The following FAM20A variants were observed in gnomAD, a reference collection of about 807,000 sequenced individuals.
FAM20A encodes the protein FAM20A golgi associated secretory pathway pseudokinase.
In FAM20A, 42 loss-of-function variants were observed where a neutral mutation model predicts 52.0. The ratio of observed to expected loss-of-function variants is 0.81; its 90% CI spans 0.63 to 1.04. The LOEUF is 1.04. FAM20A is among the 50% of genes least tolerant of loss of function. The pLI, the probability that FAM20A is intolerant of heterozygous loss-of-function variation, is 0.00. For synonymous variants in FAM20A, 304 were observed against 298.9 expected, an observed-to-expected ratio of 1.02 and a Z score of -0.18; for missense variants, 742 against 712.7, an observed-to-expected ratio of 1.04 and a Z score of -0.47.
At chr17:68,540,392 C>T (rs1306698680) in intron 8 of FAM20A, among the ~76,000 whole-genome samples, 3 of 152,222 alleles carry the variant, frequency 2.0e-5, no homozygotes, top group East Asian at 1.9e-4. Context: ...GACTTGCTTC[C>T]GACCTAAGCT....
Position 68,599,798 on chromosome 17 carries a change from G to C in FAM20A, c.404+465C>G, listed in dbSNP as rs771439242. On this transcript the variant is annotated intron_variant, in intron 1 of 10. Coordinates refer to ENST00000592554, the MANE Select transcript of FAM20A (RefSeq NM_017565.4). ...AACATGCTTTCTGGAAGGCGCCCAG[G>C]TTTACCCAAAGAGCACAGTTAAGTG... Among the ~76,000 whole-genome samples the C allele has an allele frequency of 1.1e-4, 16 of 152,152 alleles. 1 individual carries two copies. The highest frequency in any genetic ancestry group is 4.6e-4 in the Admixed American group (7 of 15,286).
At chr17:68,573,164 G>C (rs916575170) in intron 1 of FAM20A, among the ~76,000 whole-genome samples, 20 of 152,174 alleles carry the variant, frequency 1.3e-4, no homozygotes, top group African/African-American at 4.6e-4. Context: ...TCTAGAAAGG[G>C]GAAAGGGTGG....
At chr17:68,563,401 A>T (rs1221021725) in intron 1 of FAM20A, among the ~76,000 whole-genome samples, 1 of 151,638 alleles carries the variant, frequency 6.6e-6, no homozygotes, top group African/African-American at 2.4e-5. Flanking sequence ...AAAAAAAAAA[A>T]AAAAGAAAGA....
intron 1 of FAM20A, among the ~76,000 whole-genome samples, chr17:68,594,369 A>T (rs1042631135): frequency 1.3e-5 from 2 of 151,604 alleles, no homozygotes; most frequent in African/African-American, 4.9e-5. Flanking sequence ...ACTGCACTCC[A>T]GCCTGGGCGA....
At position 68,543,686 on chromosome 17, in the gene FAM20A, A is replaced by G; in HGVS notation, c.755T>C (p.Phe252Ser). Reference sequence around the variant, plus strand: ...GTGTCTCTGAAAGTCAATGAAGTAGAAGAAGTCCACTGGTGTCTCCTCATC... The same window carrying G: ...GTGTCTCTGAAAGTCAATGAAGTAGGAGAAGTCCACTGGTGTCTCCTCATC... ...QRDEETPVDF[F>S]YFIDFQRHNA... The change falls in exon 5 of 11, where the codon TTC (phenylalanine) becomes TCC (serine). Residue 252 changes from phenylalanine (F) to serine (S), a missense_variant. Transcript: ENST00000592554. 6.2e-7 allele frequency: 1 copy of G among 1,614,034 alleles called. No homozygotes were observed. Among genetic ancestry groups the G allele is most frequent in the Non-Finnish European group, 8.5e-7 (1 of 1,179,926 alleles).
chr17:68,583,925 A>G (rs970363490), intron 1 of FAM20A, among the ~76,000 whole-genome samples: 3 of 151,920 alleles, frequency 2.0e-5, no homozygotes, highest in Non-Finnish European at 4.4e-5. Flanking sequence ...GGATTAGAAC[A>G]TGAATATCAT....
chr17:68,599,040 G>A (rs773469137), intron 1 of FAM20A, among the ~76,000 whole-genome samples: 1 of 152,164 alleles, frequency 6.6e-6, no homozygotes, highest in Admixed American at 6.5e-5. Flanking sequence ...AATGTGAGCC[G>A]TAGAGTTACT....
At chr17:68,540,504 G>T (rs1173503826) in intron 8 of FAM20A, 1 of 477,984 alleles carries the variant, frequency 2.1e-6, no homozygotes, top group East Asian at 6.4e-5. Flanking sequence ...CCTCGCCTGA[G>T]GCCCTCCCTG....
chr17:68,542,103 C>T lies in FAM20A; in HGVS notation c.991G>A (p.Gly331Ser), dbSNP rs1251027524. 7.4e-6 allele frequency: 12 copies of T among 1,614,084 alleles called. No homozygotes were observed. Among genetic ancestry groups the T allele is most frequent in the Non-Finnish European group, 1.0e-5 (12 of 1,180,020 alleles). ...YMCKTEYAVC[G>S]NPHLLEGSLS... ...GAACCCTCCAGCAGGTGTGGGTTGC[C>T]ACAGACAGCATACTCCGTCTTGCAC... Residue 331 changes from glycine to serine, a missense_variant, in exon 7 of 11, where the codon GGC becomes AGC. By Grantham distance (56) the Gly-to-Ser change is moderately conservative. Transcript: ENST00000592554.
intron 1 of FAM20A, among the ~76,000 whole-genome samples, chr17:68,563,984 C>T (rs555512474): frequency 1.3e-5 from 2 of 152,240 alleles, no homozygotes; most frequent in African/African-American, 4.8e-5. Context: ...GTGAGAGGGT[C>T]ACAGAATGCA....
At chr17:68,538,701 G>A (rs2086168147) in intron 10 of FAM20A, among the ~76,000 whole-genome samples, 1 of 152,236 alleles carries the variant, frequency 6.6e-6, no homozygotes, top group Non-Finnish European at 1.5e-5. Flanking sequence ...GCTGGGCAAA[G>A]CAGAGGTCTG....
chr17:68,541,058 G>C, intron 7 of FAM20A, 100 bp from the exon 8 acceptor site: 1 of 1,528,378 alleles, frequency 6.5e-7, no homozygotes, highest in Non-Finnish European at 8.8e-7. Flanking sequence ...CTGCCTCCCT[G>C]ATCCTGCCCT....
At chr17:68,571,944 A>G (rs913552065) in intron 1 of FAM20A, among the ~76,000 whole-genome samples, 1 of 144,180 alleles carries the variant, frequency 6.9e-6, no homozygotes, top group African/African-American at 2.5e-5. Flanking sequence ...GTAGAAATAT[A>G]TATATGTGTG....
intron 1 of FAM20A, among the ~76,000 whole-genome samples, chr17:68,587,237 AC>A (rs2088186684): frequency 6.6e-6 from 1 of 151,918 alleles, no homozygotes; most frequent in Non-Finnish European, 1.5e-5. Context: ...TCGGGCATTC[AC>A]CCTTGGCTGT....
chr17:68,588,904 C>T (rs2088229837), intron 1 of FAM20A, among the ~76,000 whole-genome samples: 1 of 152,220 alleles, frequency 6.6e-6, no homozygotes, highest in South Asian at 2.1e-4. Flanking sequence ...GGTCTTACCA[C>T]TATCAGCTGT....
chr17:68,597,310 C>T (rs867391090), intron 1 of FAM20A, among the ~76,000 whole-genome samples: 4 of 148,836 alleles, frequency 2.7e-5, no homozygotes, highest in African/African-American at 1.0e-4. Flanking sequence ...CTCTGTACTT[C>T]TCCTGGTGTG....
At chr17:68,583,590 A>G (rs1418459659) in intron 1 of FAM20A, among the ~76,000 whole-genome samples, 4 of 152,144 alleles carry the variant, frequency 2.6e-5, no homozygotes, top group African/African-American at 7.2e-5. Flanking sequence ...AGTCTTAATT[A>G]TATCTGTAAA....
intron 1 of FAM20A, among the ~76,000 whole-genome samples, chr17:68,565,214 G>A (rs2087342379): frequency 6.6e-6 from 1 of 152,012 alleles, no homozygotes; most frequent in Non-Finnish European, 1.5e-5. Context: ...TTACAGTGGA[G>A]AAGTGGGGCA....
intron 2 of FAM20A, 25 bp downstream of exon 2, chr17:68,555,534 C>A (rs775745660): frequency 7.4e-6 from 12 of 1,611,780 alleles, no homozygotes; most frequent in African/African-American, 1.3e-5. Flanking sequence ...GTCAGTCCCC[C>A]CTTGCTTGAT....
Sources: gnomAD v4.1 joint callset for allele counts (sites outside exome capture counted in the v4.1 genomes callset) on GRCh38, gnomAD v4.1.1 for gene constraint, MANE v1.5 for transcripts, NCBI Gene and HGNC (gene_info 2026-07-23, HGNC 2026-07-21) for gene names.